CPS1: variants seen among roughly 807,000 people sequenced by gnomAD.
CPS1 encodes carbamoyl-phosphate synthase [ammonia], mitochondrial.
CPS1 carries 109 observed loss-of-function variants against 174.6 expected under a neutral mutation model. The ratio of observed to expected loss-of-function variants is 0.62; its 90% CI spans 0.53 to 0.73. The LOEUF (loss-of-function observed/expected upper bound fraction) is 0.73, where lower values mean the gene tolerates loss of function less well. Among genes scored for constraint, CPS1 ranks in the 30% least tolerant of loss-of-function variants. CPS1 has a pLI of 0.00. For synonymous variants in CPS1, 637 were observed against 632.0 expected, an observed-to-expected ratio of 1.01 and a Z score of -0.12; for missense variants, 1,689 against 1,821.9, an observed-to-expected ratio of 0.93 and a Z score of 1.33.
intron 20 of CPS1, among the ~76,000 whole-genome samples, chr2:210,615,927 C>T (rs1699289414): frequency 6.6e-6 from 1 of 151,948 alleles, no homozygotes; most frequent in Non-Finnish European, 1.5e-5. Flanking sequence ...CAGATCCGAC[C>T]CATAAATTCT....
At position 210,678,902 on chromosome 2, in the gene CPS1, A is replaced by G. The variant is rs185214969; in HGVS notation, c.*917A>G. ...TTGGAATAACTTGGAAGTAAGGTTCATTCCCTTAAGACGATGGATTCTGTT... is the reference window on the plus strand; with the variant it reads ...TTGGAATAACTTGGAAGTAAGGTTCGTTCCCTTAAGACGATGGATTCTGTT... On this transcript the variant is annotated 3_prime_UTR_variant, in exon 38 of 38. Coordinates refer to ENST00000233072, the MANE Select transcript of CPS1 (RefSeq NM_001875.5). 6.6e-6 allele frequency: 1 copy of G among 152,352 alleles called. No homozygotes were observed. The highest frequency in any genetic ancestry group is 6.5e-5 in the Admixed American group (1 of 15,306). The allele number at this position is 152,352 out of a possible 1,614,324, so 9.4% of individuals were successfully genotyped here.
At position 210,606,797 on chromosome 2, in the gene CPS1, C is replaced by T. The variant is rs753106342; in HGVS notation, c.2048C>T (p.Thr683Ile). The stretch of plus-strand genomic sequence containing the variant: ...GCCGAGTTTCAGATGTTGAGACGTA[C>T]TTCAATCAATGTTGTTCGCCACTTG... Reference protein sequence around the residue: ...SNAEFQMLRRTSINVVRHLGI... With the variant: ...SNAEFQMLRRISINVVRHLGI... The change falls in exon 18 of 38, where the codon ACT (threonine) becomes ATT (isoleucine). Residue 683 changes from threonine (T) to isoleucine (I), a missense_variant. Thr to Ile is a moderately conservative substitution (Grantham distance 89). Coordinates refer to ENST00000233072, the MANE Select transcript of CPS1 (RefSeq NM_001875.5). 7 of 1,612,640 alleles carry T rather than the reference C, an allele frequency of 4.3e-6. 1 individual carries two copies. In the South Asian group the frequency reaches 7.7e-5, roughly 18 times the overall value.
rs759149676 is a variant in CPS1, at chr2:210,639,130, T to G, written c.2830-20T>G. The G allele has an allele frequency of 1.3e-6, 2 of 1,594,902 alleles. No homozygotes were observed. Among genetic ancestry groups the G allele is most frequent in the East Asian group, 2.2e-5 (1 of 44,688 alleles). On this transcript the variant is annotated intron_variant, in intron 22 of 37. Coordinates refer to ENST00000233072, the MANE Select transcript of CPS1 (RefSeq NM_001875.5). ...ATAATAACATTCTTATTTGTTTATT[T>G]TATTTGTTTTCTCTTACAGATTGAT...
rs754665415 is a variant in CPS1 at position 210,612,284 on chromosome 2, C to G, written c.2559C>G (p.Ala853=). ...LSEPSSTRIY[A]IAKAIDDNMS... is the part of the protein sequence containing the mutation. ...AACCAAGCAGCACGCGTATCTATGC[C>G]ATTGCCAAGGTAAGATGTTACAAGG... The change falls in exon 20 of 38, where the codon GCC becomes GCG. Residue 853 remains alanine (A), a synonymous_variant. Transcript: ENST00000233072. 6.8e-6 allele frequency: 11 copies of G among 1,611,876 alleles called. No individual in the cohort carries two copies. The highest frequency in any genetic ancestry group is 1.7e-4 in the Middle Eastern group (1 of 6,042).
chr2:210,663,430 C>T (rs139008470), intron 33 of CPS1, among the ~76,000 whole-genome samples: 1 of 152,238 alleles, frequency 6.6e-6, no homozygotes, highest in African/African-American at 2.4e-5. Flanking sequence ...AATTCATTTT[C>T]ACATGAGAAC....
chr2:210,606,817 C>T lies in CPS1; in HGVS notation c.2068C>T (p.His690Tyr). 2.5e-6 allele frequency: 4 copies of T among 1,612,660 alleles called. No homozygotes were observed. The highest frequency in any genetic ancestry group is 3.4e-6 in the Non-Finnish European group (4 of 1,179,130). Residue 690 changes from histidine (H) to tyrosine (Y), a missense_variant, in exon 18 of 38, where the codon CAC becomes TAC. His to Tyr is a moderately conservative substitution (Grantham distance 83). Coordinates refer to ENST00000233072, the MANE Select transcript of CPS1 (RefSeq NM_001875.5). Reference sequence around the variant, plus strand: ...ACGTACTTCAATCAATGTTGTTCGCCACTTGGGCATTGTGGGTGAATGCAA... The same window carrying T: ...ACGTACTTCAATCAATGTTGTTCGCTACTTGGGCATTGTGGGTGAATGCAA... ...LRRTSINVVR[H>Y]LGIVGECNIQ...
chr2:210,594,883 T>C (rs1698437174), intron 12 of CPS1, among the ~76,000 whole-genome samples: 1 of 151,930 alleles, frequency 6.6e-6, no homozygotes, highest in Admixed American at 6.6e-5. Flanking sequence ...GTTTAGAATT[T>C]ATTTCCCATT....
intron 1 of CPS1, among the ~76,000 whole-genome samples, chr2:210,502,577 G>C (rs1695175775): frequency 6.6e-6 from 1 of 151,162 alleles, no homozygotes; most frequent in Non-Finnish European, 1.5e-5. Context: ...AATGCTGCTT[G>C]CATATGTTAA....
chr2:210,512,310 T>G (rs974760140), intron 1 of CPS1, among the ~76,000 whole-genome samples: 6 of 151,926 alleles, frequency 3.9e-5, no homozygotes, highest in African/African-American at 1.4e-4. Context: ...ATCACCCAGA[T>G]AGTGGGCATA....
rs1315012012 is a variant in CPS1, at chr2:210,578,138, C to T, written c.471+628C>T. On this transcript the variant is annotated intron_variant, in intron 4 of 37. Transcript: ENST00000233072. ...TTTTCTTTTTTTTGAGATGGACTTTCACTCTTGTTGCCCAGGCTGGAGTGC... is the reference window on the plus strand; with the variant it reads ...TTTTCTTTTTTTTGAGATGGACTTTTACTCTTGTTGCCCAGGCTGGAGTGC... Among the ~76,000 whole-genome samples the T allele has an allele frequency of 3.3e-5, 5 of 151,988 alleles. No homozygotes were observed. The South Asian group carries it at 8.3e-4, about 25-fold the overall frequency.
intron 25 of CPS1, among the ~76,000 whole-genome samples, chr2:210,645,386 T>C (rs182376979): frequency 1.5e-4 from 23 of 152,326 alleles, no homozygotes; most frequent in African/African-American, 4.1e-4. Context: ...TAACATTAAC[T>C]ACACCTGAAA....
At chr2:210,601,901 C>T (rs1338238924) in intron 15 of CPS1, among the ~76,000 whole-genome samples, 1 of 151,758 alleles carries the variant, frequency 6.6e-6, no homozygotes, top group South Asian at 2.1e-4. Flanking sequence ...CTGCCATTCT[C>T]AAATGAATGA....
At chr2:210,610,838 G>GTT in intron 19 of CPS1, among the ~76,000 whole-genome samples, 1 of 148,160 alleles carries the variant, frequency 6.7e-6, no homozygotes, top group South Asian at 2.2e-4. Context: ...TGTTATACAC[G>GTT]TTTTTTTTTT....
chr2:210,668,311 C>CCCATGTATGA, intron 34 of CPS1, 27 bp downstream of exon 34: 2 of 1,484,712 alleles, frequency 1.3e-6, no homozygotes, highest in Non-Finnish European at 1.9e-6. Flanking sequence ...TGTGTGCTTG[C>CCCATGTATGA]CCATGGTCAT....
At chr2:210,557,272 A>G (rs1480901405) in intron 1 of CPS1, among the ~76,000 whole-genome samples, 1 of 152,116 alleles carries the variant, frequency 6.6e-6, no homozygotes, top group Non-Finnish European at 1.5e-5. Context: ...GGGCTTACTG[A>G]AAAGTTCTCT....
At chr2:210,640,880 A>G (rs944644348) in intron 24 of CPS1, among the ~76,000 whole-genome samples, 1 of 152,198 alleles carries the variant, frequency 6.6e-6, no homozygotes, top group African/African-American at 2.4e-5. Context: ...TCATTGTCTT[A>G]GTCCATTTGT....
At chr2:210,625,598 C>G (rs1421848431) in intron 21 of CPS1, among the ~76,000 whole-genome samples, 1 of 152,030 alleles carries the variant, frequency 6.6e-6, no homozygotes, top group East Asian at 1.9e-4. Context: ...GGACAATATT[C>G]TTTCCTTCAA....
intron 5 of CPS1, among the ~76,000 whole-genome samples, chr2:210,581,552 A>T (rs1697923853): frequency 1.3e-5 from 2 of 152,172 alleles, no homozygotes; most frequent in Admixed American, 1.3e-4. Flanking sequence ...ACCAATTTTC[A>T]AAATTAGGGA....
chr2:210,648,972 T>C (rs1347521319), intron 27 of CPS1, among the ~76,000 whole-genome samples: 2 of 152,206 alleles, frequency 1.3e-5, no homozygotes, highest in African/African-American at 4.8e-5. Flanking sequence ...GATTGTTTAA[T>C]AGATAAATTA....
Sources: allele counts gnomAD v4.1 joint callset (sites outside exome capture counted in the v4.1 genomes callset), GRCh38; gene constraint gnomAD v4.1.1; transcripts MANE v1.5; gene names NCBI Gene and HGNC (gene_info 2026-07-23, HGNC 2026-07-21).